HK1: variants seen among roughly 807,000 people sequenced by gnomAD.
The protein encoded by HK1 is hexokinase 1.
A neutral mutation model predicts 91.6 loss-of-function variants in HK1; 28 were observed. That is an observed-to-expected ratio of 0.31 (90% CI 0.23 to 0.42). The LOEUF is 0.42. HK1 is among the 10% of genes least tolerant of loss of function. The pLI is 1.00. For missense variants in HK1, 770 were observed against 1,219.8 expected, an observed-to-expected ratio of 0.63 and a Z score of 5.49; for synonymous variants, 430 against 468.1, an observed-to-expected ratio of 0.92 and a Z score of 1.05.
At chr10:69,388,641 T>A (rs1342482772) in intron 13 of HK1, among the ~76,000 whole-genome samples, 2 of 152,258 alleles carry the variant, frequency 1.3e-5, no homozygotes, top group Non-Finnish European at 2.9e-5. Flanking sequence ...TCCTCATCAT[T>A]GCATTTAGAT....
At position 69,368,578 on chromosome 10, in the gene HK1, G is replaced by T; in HGVS notation, c.538G>T (p.Val180Leu). 6.2e-7 allele frequency: 1 copy of T among 1,614,270 alleles called. No homozygotes were observed. The highest frequency in any genetic ancestry group is 8.5e-7 in the Non-Finnish European group (1 of 1,180,034). The change falls in exon 5 of 18, where the codon GTG becomes TTG. Residue 180 changes from valine to leucine, a missense_variant. By Grantham distance (32) the Val-to-Leu change is conservative (BLOSUM62 1). Transcript: ENST00000359426. ...GACAAAGCGATTTAAAGCGAGCGGA[G>T]TGGAAGGAGCAGATGTGGTCAAACT... ...TWTKRFKASG[V>L]EGADVVKLLN... is the part of the protein sequence containing the mutation.
chr10:69,395,955 G>A (rs903215057), intron 16 of HK1, among the ~76,000 whole-genome samples: 9 of 152,162 alleles, frequency 5.9e-5, no homozygotes, highest in African/African-American at 2.2e-4. Context: ...GTTCTTCTTA[G>A]AATGGTCATA....
chr10:69,369,137 G>T lies in HK1; in HGVS notation c.592-100G>T. 1 of 819,738 alleles carries T rather than the reference G, an allele frequency of 1.2e-6. No individual in the cohort carries two copies. Among genetic ancestry groups the T allele is most frequent in the East Asian group, 2.5e-5 (1 of 39,470 alleles). The allele number at this position is 819,738 out of a possible 1,614,324, so 50.8% of individuals were successfully genotyped here. A position where few individuals can be genotyped will look rare whatever the true frequency, so the allele number is the denominator to read the frequency against. ...AAACCAGTACCACTCACAAAAGCAG[G>T]GGTTCTGAAAACGGGAGCACTTCTG... On this transcript the variant is annotated intron_variant, in intron 5 of 17. Transcript: ENST00000359426. The surrounding 1 kb of genome is among the most constrained non-coding windows in gnomAD (Gnocchi z 4.4).
At chr10:69,316,112 A>C, upstream of HK1, 2 of 991,092 alleles carry the variant, frequency 2.0e-6, no homozygotes, top group Non-Finnish European at 3.3e-6. Flanking sequence ...AGGGCAAGGA[A>C]GGGAATATGA....
At chr10:69,359,633 T>C (rs761741106) in intron 2 of HK1, among the ~76,000 whole-genome samples, 12 of 152,248 alleles carry the variant, frequency 7.9e-5, no homozygotes, top group Admixed American at 3.3e-4. Context: ...AGTACTTCCA[T>C]TCCCCTATAG....
chr10:69,276,846 A>G lies in HK1; in HGVS notation c.-390-5683A>G, dbSNP rs1241704942. Among the ~76,000 whole-genome samples the G allele has an allele frequency of 4.0e-5, 6 of 150,716 alleles. No individual in the cohort carries two copies. The Admixed American group carries it at 4.0e-4, about 10-fold the overall frequency. On this transcript the variant is annotated intron_variant, in intron 1 of 21. Coordinates refer to the HK1 transcript ENST00000360289. ...TATTTTATATATCTATATATATCCT[A>G]CATATATGTAGGATGGAAGCGAAGG... is the stretch of plus-strand genomic sequence containing the variant.
In HK1 at chr10:69,401,623, C is replaced by T; in HGVS notation, c.*488C>T. On this transcript the variant is annotated 3_prime_UTR_variant, in exon 18 of 18. Coordinates refer to ENST00000359426, the MANE Select transcript of HK1 (RefSeq NM_000188.3). Reference sequence around the variant, plus strand: ...GGCATAGCATTAGCTGCTTCCTCCCCTCCTGGCACCCACTGTGGCCTGGCA... The same window carrying T: ...GGCATAGCATTAGCTGCTTCCTCCCTTCCTGGCACCCACTGTGGCCTGGCA... The T allele has an allele frequency of 5.1e-6, 2 of 392,038 alleles. 1 individual carries two copies. The highest frequency in any genetic ancestry group is 3.7e-5 in the South Asian group (2 of 53,498). The allele number at this position is 392,038 out of a possible 1,614,324, so 24.3% of individuals were successfully genotyped here. A position where few individuals can be genotyped will look rare whatever the true frequency, so the allele number is the denominator to read the frequency against.
At chr10:69,329,169 C>CTT (rs1554814167) in intron 1 of HK1, among the ~76,000 whole-genome samples, 5 of 144,340 alleles carry the variant, frequency 3.5e-5, no homozygotes, top group Admixed American at 7.0e-5. Context: ...CTTTCTTCTT[C>CTT]TTTTTTTTTT....
chr10:69,384,565 G>T, intron 11 of HK1, 84 bp downstream of exon 11: 2 of 1,566,368 alleles, frequency 1.3e-6, no homozygotes, highest in Non-Finnish European at 8.8e-7. Context: ...AATCCGCCAC[G>T]GGGTGCCCAC....
chr10:69,396,285 AAG>A (rs1405839853), intron 16 of HK1, among the ~76,000 whole-genome samples: 17 of 150,586 alleles, frequency 1.1e-4, no homozygotes, highest in Admixed American at 2.1e-4. Flanking sequence ...AAAAAAAAAA[AAG>A]AGAAAGAAAA....
intron 12 of HK1, 102 bp from the exon 13 acceptor site, chr10:69,386,220 TA>T: frequency 1.2e-6 from 1 of 849,494 alleles, no homozygotes; most frequent in Non-Finnish European, 2.0e-6. Flanking sequence ...TCCGATGTTG[TA>T]AGCCCTCAGC....
At chr10:69,274,881 T>A (rs527494855) in intron 1 of HK1, among the ~76,000 whole-genome samples, 8 of 152,190 alleles carry the variant, frequency 5.3e-5, no homozygotes, top group South Asian at 2.1e-4. Context: ...CTCTGAGTAG[T>A]CTTGCCTCTA....
chr10:69,280,535 A>G (rs1844694222), intron 1 of HK1, among the ~76,000 whole-genome samples: 2 of 152,194 alleles, frequency 1.3e-5, no homozygotes, highest in Admixed American at 6.5e-5. Flanking sequence ...CTCCGATATG[A>G]TAATATTAGA....
chr10:69,310,546 C>T (rs1439905481), intron 5 of HK1, among the ~76,000 whole-genome samples: 1 of 152,024 alleles, frequency 6.6e-6, no homozygotes, highest in African/African-American at 2.4e-5. Context: ...TAGGTGTTGA[C>T]ATGAACTCTG....
chr10:69,382,565 C>T lies in HK1; in HGVS notation c.1344C>T (p.Gly448=). 3 of 1,614,214 alleles carry T rather than the reference C, an allele frequency of 1.9e-6. No homozygotes were observed. The highest frequency in any genetic ancestry group is 2.5e-6 in the Non-Finnish European group (3 of 1,180,036). The change falls in exon 10 of 18, where the codon GGC becomes GGT. Residue 448 remains glycine, a synonymous_variant. Transcript: ENST00000359426. ...SDVRFLLSES[G]SGKGAAMVTA... is the part of the protein sequence containing the mutation. ...TGCGCTTCCTCCTCTCGGAGAGTGGCAGCGGCAAGGGGGCTGCCATGGTGA... is the reference window on the plus strand; with the variant it reads ...TGCGCTTCCTCCTCTCGGAGAGTGGTAGCGGCAAGGGGGCTGCCATGGTGA...
intron 1 of HK1, among the ~76,000 whole-genome samples, chr10:69,327,660 G>A (rs985774408): frequency 5.3e-5 from 8 of 152,106 alleles, no homozygotes; most frequent in Admixed American, 5.2e-4. Flanking sequence ...GTTGCCATCC[G>A]TGGTCATGCC....
chr10:69,372,314 C>A (rs987651299), intron 7 of HK1, among the ~76,000 whole-genome samples: 1 of 152,190 alleles, frequency 6.6e-6, no homozygotes, highest in African/African-American at 2.4e-5. Flanking sequence ...TCATTGAGAA[C>A]AATTCCAAGG....
At chr10:69,362,191 C>T (rs1849458723) in intron 3 of HK1, among the ~76,000 whole-genome samples, 1 of 152,112 alleles carries the variant, frequency 6.6e-6, no homozygotes, top group Non-Finnish European at 1.5e-5. Context: ...TATTAGCCAT[C>T]ATTTGCCATC....
chr10:69,324,288 A>C (rs1847202820), intron 1 of HK1, among the ~76,000 whole-genome samples: 1 of 152,194 alleles, frequency 6.6e-6, no homozygotes, highest in Non-Finnish European at 1.5e-5. Flanking sequence ...CCCAGTTCTC[A>C]TGGAGCATAA....
Sources: allele counts gnomAD v4.1 joint callset (sites outside exome capture counted in the v4.1 genomes callset), GRCh38; gene constraint gnomAD v4.1.1; non-coding constraint Gnocchi (gnomAD v3.1); transcripts MANE v1.5; gene names NCBI Gene and HGNC (gene_info 2026-07-23, HGNC 2026-07-21).